The following TNKS variants were observed in gnomAD, a reference collection of about 807,000 sequenced individuals.
The protein encoded by TNKS is tankyrase, also known as poly [ADP-ribose] polymerase tankyrase-1.
TNKS carries 72 observed loss-of-function variants against 135.8 expected under a neutral mutation model. The observed-to-expected ratio is 0.53, with a 90% CI of 0.44 to 0.64. The LOEUF is 0.64. Ranked by LOEUF, TNKS falls within the 30% of genes least tolerant of loss-of-function variation. The pLI, the probability that TNKS is intolerant of heterozygous loss-of-function variation, is 0.00. For synonymous variants in TNKS, 849 were observed against 649.3 expected (o/e 1.31, Z -4.68); for missense variants, 1,769 against 1,674.0 (o/e 1.06, Z -0.99).
At chr8:9,756,822 T>TTATC (rs1405331382) in intron 20 of TNKS, among the ~76,000 whole-genome samples, 1 of 152,176 alleles carries the variant, frequency 6.6e-6, no homozygotes, top group Non-Finnish European at 1.5e-5. Context: ...CCATGCCATT[T>TTATC]TATCTTCTTC....
At chr8:9,580,592 A>G (rs1336624298) in intron 2 of TNKS, among the ~76,000 whole-genome samples, 2 of 152,194 alleles carry the variant, frequency 1.3e-5, no homozygotes, top group African/African-American at 4.8e-5. Flanking sequence ...AATGCAGTCA[A>G]ATGCCTATTG....
intron 3 of TNKS, among the ~76,000 whole-genome samples, chr8:9,661,765 AG>A (rs1176499569): frequency 4.6e-5 from 7 of 152,374 alleles, no homozygotes; most frequent in African/African-American, 1.7e-4. Flanking sequence ...GCTTCTGCAC[AG>A]CAAAAGAAAC....
At chr8:9,691,572 T>A (rs1305547851) in intron 5 of TNKS, among the ~76,000 whole-genome samples, 3 of 152,190 alleles carry the variant, frequency 2.0e-5, no homozygotes, top group Non-Finnish European at 4.4e-5. Flanking sequence ...CTGCCTGGAT[T>A]TGACTCCTGA....
At chr8:9,719,689 C>G (rs1804779885) in intron 11 of TNKS, among the ~76,000 whole-genome samples, 1 of 152,068 alleles carries the variant, frequency 6.6e-6, no homozygotes, top group Admixed American at 6.6e-5. Flanking sequence ...GTAGAGGGTG[C>G]TGATTGGGAT....
intron 1 of TNKS, among the ~76,000 whole-genome samples, chr8:9,572,458 C>G (rs997294032): frequency 6.6e-6 from 1 of 152,112 alleles, no homozygotes; most frequent in Non-Finnish European, 1.5e-5. Flanking sequence ...GTCATTATTT[C>G]TACAATATTT....
chr8:9,752,990 TATTA>T (rs1563211120), intron 20 of TNKS, among the ~76,000 whole-genome samples: 2 of 151,758 alleles, frequency 1.3e-5, no homozygotes, highest in African/African-American at 4.8e-5. Flanking sequence ...AAGAAAGACT[TATTA>T]ATTGCCACCC....
chr8:9,577,999 C>T (rs747019738), intron 1 of TNKS, among the ~76,000 whole-genome samples: 13 of 152,194 alleles, frequency 8.5e-5, no homozygotes, highest in East Asian at 1.9e-4. Context: ...CCATGGACTT[C>T]GAAACCCAGC....
intron 2 of TNKS, among the ~76,000 whole-genome samples, chr8:9,606,904 C>T (rs1008795301): frequency 3.9e-5 from 6 of 152,118 alleles, no homozygotes; most frequent in Admixed American, 3.3e-4. Context: ...TAGTGCAGAT[C>T]TGTGGAAAGC....
intron 3 of TNKS, among the ~76,000 whole-genome samples, chr8:9,625,929 G>T (rs1163087793): frequency 1.3e-5 from 2 of 152,076 alleles, no homozygotes; most frequent in Non-Finnish European, 2.9e-5. Flanking sequence ...AGATTCTGTT[G>T]GTTGATGGTA....
chr8:9,654,882 AGTGCCGGACAGTGG>A (rs1220825793), intron 3 of TNKS, among the ~76,000 whole-genome samples: 3 of 152,234 alleles, frequency 2.0e-5, no homozygotes, highest in Middle Eastern at 3.4e-3. Flanking sequence ...CTCACTGGGG[AGTGCCGGACAGTGG>A]GTGCAGGACA....
At chr8:9,674,856 T>C (rs895427587) in intron 3 of TNKS, among the ~76,000 whole-genome samples, 1 of 152,190 alleles carries the variant, frequency 6.6e-6, no homozygotes, top group African/African-American at 2.4e-5. Context: ...GAATGGATGT[T>C]CAGTGTTTAG....
At chr8:9,574,675 A>G (rs551682823) in intron 1 of TNKS, among the ~76,000 whole-genome samples, 5 of 152,304 alleles carry the variant, frequency 3.3e-5, no homozygotes, top group African/African-American at 9.6e-5. Flanking sequence ...ATTTTCTTCA[A>G]ATTCTTCACT....
intron 2 of TNKS, among the ~76,000 whole-genome samples, chr8:9,605,879 C>T (rs1368370990): frequency 2.6e-5 from 4 of 151,956 alleles, no homozygotes; most frequent in Non-Finnish European, 5.9e-5. Flanking sequence ...ATATTTTCTT[C>T]TAGATTGTGT....
chr8:9,585,502 T>A (rs953315416), intron 2 of TNKS, among the ~76,000 whole-genome samples: 1 of 152,202 alleles, frequency 6.6e-6, no homozygotes, highest in South Asian at 2.1e-4. Context: ...TATTGCACTT[T>A]TCCAGAAAGA....
rs1808280945 is a variant in TNKS at position 9,777,475 on chromosome 8, A to G, written c.*739A>G. 1 of 152,274 alleles carries G rather than the reference A, an allele frequency of 6.6e-6. No individual in the cohort carries two copies. The highest frequency in any genetic ancestry group is 1.5e-5 in the Non-Finnish European group (1 of 68,094). 9.4% of individuals were successfully genotyped at this position (152,274 alleles called of 1,614,324 possible). ...GCACAAACACCAACCTGACTTAGGA[A>G]CGCCTAAATTCAGAGAAGTCAAAGC... On this transcript the variant is annotated 3_prime_UTR_variant, in exon 27 of 27. Coordinates refer to ENST00000310430, the MANE Select transcript of TNKS (RefSeq NM_003747.3).
intron 1 of TNKS, among the ~76,000 whole-genome samples, chr8:9,563,400 C>A (rs1323250555): frequency 6.6e-6 from 1 of 151,964 alleles, no homozygotes; most frequent in African/African-American, 2.4e-5. Context: ...GGCTTTGTAG[C>A]CATATGGTCC....
chr8:9,711,970 T>C (rs1429171257), intron 11 of TNKS, among the ~76,000 whole-genome samples: 1 of 152,226 alleles, frequency 6.6e-6, no homozygotes, highest in Non-Finnish European at 1.5e-5. Context: ...AACATTGTAA[T>C]GCAGCACTTC....
intron 13 of TNKS, among the ~76,000 whole-genome samples, chr8:9,730,316 A>G (rs943911879): frequency 3.3e-5 from 5 of 152,136 alleles, no homozygotes; most frequent in African/African-American, 1.2e-4. Flanking sequence ...ATGATTAAAA[A>G]CCAGTTTAAC....
chr8:9,570,587 A>G (rs1397136494), intron 1 of TNKS, among the ~76,000 whole-genome samples: 1 of 152,178 alleles, frequency 6.6e-6, no homozygotes, highest in Admixed American at 6.5e-5. Flanking sequence ...AGCAACCTCT[A>G]CCTGGCAACC....
Sources: allele counts gnomAD v4.1 joint callset (sites outside exome capture counted in the v4.1 genomes callset), GRCh38; gene constraint gnomAD v4.1.1; transcripts MANE v1.5; gene names NCBI Gene and HGNC (gene_info 2026-07-23, HGNC 2026-07-21).